CMIP: variants seen among roughly 807,000 people sequenced by gnomAD.
CMIP encodes the protein C-Maf-inducing protein.
CMIP carries 13 observed loss-of-function variants against 97.3 expected under a neutral mutation model. That is an observed-to-expected ratio of 0.13 (90% CI 0.09 to 0.21). CMIP has a LOEUF of 0.21. Ranked by LOEUF, CMIP falls within the 10% of genes least tolerant of loss-of-function variation. The pLI, the probability that CMIP is intolerant of heterozygous loss-of-function variation, is 1.00. For synonymous variants in CMIP, 538 were observed against 436.3 expected, an observed-to-expected ratio of 1.23 and a Z score of -2.91; for missense variants, 847 against 1,024.9, an observed-to-expected ratio of 0.83 and a Z score of 2.37.
At chr16:81,526,788 A>C (rs1004775298) in intron 1 of CMIP, among the ~76,000 whole-genome samples, 1 of 152,216 alleles carries the variant, frequency 6.6e-6, no homozygotes, top group African/African-American at 2.4e-5. Flanking sequence ...AGCCCGCCAG[A>C]GGAGCAGGTT....
chr16:81,607,782 A>T (rs189046760), intron 2 of CMIP, 90 bp downstream of exon 2: 1 of 1,384,076 alleles, frequency 7.2e-7, no homozygotes, highest in Non-Finnish European at 1.0e-6. Context: ...GCCAGCAGCT[A>T]TCAAGAGGAA....
Position 81,616,714 on chromosome 16 carries a change from C to T in CMIP, c.427-4162C>T, listed in dbSNP as rs893623738. Among the ~76,000 whole-genome samples the T allele has an allele frequency of 2.0e-5, 3 of 152,112 alleles. No individual in the cohort carries two copies. Among genetic ancestry groups the T allele is most frequent in the African/African-American group, 4.8e-5 (2 of 41,418 alleles). On this transcript the variant is annotated intron_variant, in intron 2 of 20. Coordinates refer to ENST00000537098, the MANE Select transcript of CMIP (RefSeq NM_198390.3). The surrounding 1 kb of genome is among the most constrained non-coding windows in gnomAD (Gnocchi z 4.7). The stretch of plus-strand genomic sequence containing the variant: ...AGTGTGGCTGGGGAAGGGGGTCACA[C>T]CCTCCTATGGGAGGAAAGGCTTGGA...
Position 81,703,584 on chromosome 16 carries a change from G to C in CMIP, c.1945-355G>C, listed in dbSNP as rs533002962. ...ACAAACGTGCACACAGACACACACA[G>C]ATATACACACATACAGGCACACACA... is the stretch of plus-strand genomic sequence containing the variant. On this transcript the variant is annotated intron_variant, in intron 17 of 20. Transcript: ENST00000537098. Among the ~76,000 whole-genome samples the C allele has an allele frequency of 4.0e-5, 6 of 150,054 alleles. No individual in the cohort carries two copies. The East Asian group carries it at 9.7e-4, about 24-fold the overall frequency.
chr16:81,691,930 A>G, intron 11 of CMIP, 90 bp downstream of exon 11: 1 of 1,156,966 alleles, frequency 8.6e-7, no homozygotes, highest in South Asian at 1.3e-5. Flanking sequence ...CAGTCATGTT[A>G]TGGGGAAGCG....
intron 1 of CMIP, among the ~76,000 whole-genome samples, chr16:81,473,572 G>A (rs147845093): frequency 4.0e-5 from 6 of 150,868 alleles, no homozygotes; most frequent in Non-Finnish European, 5.9e-5. Context: ...TCCTTTTGGT[G>A]TGGGAGTTGG....
Position 81,703,959 on chromosome 16 carries a change from G to T in CMIP, c.1965G>T (p.Leu655Phe). The T allele has an allele frequency of 1.3e-6, 2 of 1,595,546 alleles. No individual in the cohort carries two copies. Among genetic ancestry groups the T allele is most frequent in the Non-Finnish European group, 8.5e-7 (1 of 1,172,828 alleles). The change falls in exon 18 of 21, where the codon TTG becomes TTT. Residue 655 changes from leucine to phenylalanine, a missense_variant. Transcript: ENST00000537098. Reference protein sequence around the residue: ...SKSTDADLARLLSSGSFGNLE... With the variant: ...SKSTDADLARFLSSGSFGNLE... ...CGCAGGACGCTGACTTGGCTCGTTT[G>T]CTGAGCTCCGGCTCCTTCGGAAACC...
rs187100172 is a variant in CMIP at position 81,639,426 on chromosome 16, C to T, written c.478-12777C>T. Among the ~76,000 whole-genome samples, 11 of 152,338 alleles carry T rather than the reference C, an allele frequency of 7.2e-5. No homozygotes were observed. The East Asian group carries it at 2.1e-3, about 29-fold the overall frequency. ...GTCCCCATTACCCCCTCCCCCAGCC[C>T]CTGGCATCCACCATTCTGCTTTCGG... On this transcript the variant is annotated intron_variant, in intron 3 of 20. Coordinates refer to ENST00000537098, the MANE Select transcript of CMIP (RefSeq NM_198390.3).
At chr16:81,663,370 G>A (rs770409281) in intron 6 of CMIP, among the ~76,000 whole-genome samples, 5 of 152,060 alleles carry the variant, frequency 3.3e-5, no homozygotes, top group Non-Finnish European at 5.9e-5. Context: ...TAAGTGAGAG[G>A]AGCCCATCTG....
intron 3 of CMIP, among the ~76,000 whole-genome samples, chr16:81,633,481 A>G (rs2092192751): frequency 6.6e-6 from 1 of 152,210 alleles, no homozygotes; most frequent in Non-Finnish European, 1.5e-5. Context: ...ATCATCAGAA[A>G]ATACCCAGCG....
rs1908623811 is a variant in CMIP at position 81,710,350 on chromosome 16, G to C, written c.*551G>C. 1 of 157,906 alleles carries C rather than the reference G, an allele frequency of 6.3e-6. No homozygotes were observed. Among genetic ancestry groups the C allele is most frequent in the Admixed American group, 5.9e-5 (1 of 16,808 alleles). 9.8% of individuals were successfully genotyped at this position (157,906 alleles called of 1,614,324 possible). A position where few individuals can be genotyped will look rare whatever the true frequency, so the allele number is the denominator to read the frequency against. On this transcript the variant is annotated 3_prime_UTR_variant, in exon 21 of 21. Transcript: ENST00000537098. ...AGATTTAAATAATGCACCTATTTAA[G>C]ACATGTTGACAAATTGCGGGTCTGG...
chr16:81,447,275 G>A (rs1283130245), intron 1 of CMIP, among the ~76,000 whole-genome samples: 1 of 151,308 alleles, frequency 6.6e-6, no homozygotes, highest in Admixed American at 6.6e-5. Flanking sequence ...ACAAAATGAA[G>A]GGTTGTTGGT....
intron 1 of CMIP, among the ~76,000 whole-genome samples, chr16:81,479,776 AAC>A (rs1348730901): frequency 1.3e-5 from 2 of 152,188 alleles, no homozygotes; most frequent in Admixed American, 6.5e-5. Flanking sequence ...TGTACCCGTT[AAC>A]AGTCACTCCT....
chr16:81,682,735 G>T (rs1470024982), intron 10 of CMIP, among the ~76,000 whole-genome samples: 1 of 152,238 alleles, frequency 6.6e-6, no homozygotes, highest in East Asian at 1.9e-4. Flanking sequence ...CAGGGAGCAG[G>T]GGTAGTGGGG....
At chr16:81,638,654 G>A (rs2092266431) in intron 3 of CMIP, among the ~76,000 whole-genome samples, 1 of 151,608 alleles carries the variant, frequency 6.6e-6, no homozygotes, top group African/African-American at 2.4e-5. Flanking sequence ...GCCTGCACCT[G>A]AGAATGTTTT....
intron 7 of CMIP, among the ~76,000 whole-genome samples, chr16:81,667,832 G>A (rs1567647180): frequency 6.6e-6 from 1 of 151,182 alleles, no homozygotes; most frequent in African/African-American, 2.4e-5. Flanking sequence ...GTGTGTGTGT[G>A]TGTGTGTGTT....
intron 7 of CMIP, chr16:81,666,977 G>GC (rs926693295): frequency 6.6e-6 from 1 of 151,660 alleles, no homozygotes; most frequent in East Asian, 1.9e-4. Flanking sequence ...TGTGGGGGGG[G>GC]GGTCATGTCT....
In CMIP at chr16:81,522,189, G is replaced by A. The variant is rs117912783; in HGVS notation, c.300+76648G>A. Among the ~76,000 whole-genome samples the A allele has an allele frequency of 1.2e-4, 18 of 152,322 alleles. No homozygotes were observed. In the East Asian group the frequency reaches 1.7e-3, roughly 15 times the overall value. On this transcript the variant is annotated intron_variant, in intron 1 of 20. Coordinates refer to ENST00000537098, the MANE Select transcript of CMIP (RefSeq NM_198390.3). ...AGTGTGGCAACACCGATTCGCCCAC[G>A]ATGATCAGGAGCTCCCATTGGCGAT...
chr16:81,644,438 A>G (rs1000051370), intron 3 of CMIP, among the ~76,000 whole-genome samples: 9 of 152,126 alleles, frequency 5.9e-5, no homozygotes, highest in African/African-American at 2.2e-4. Flanking sequence ...AGAGGTTATG[A>G]GCGGGTTTTA....
intron 1 of CMIP, among the ~76,000 whole-genome samples, chr16:81,512,510 T>C (rs2089833349): frequency 6.6e-6 from 1 of 152,238 alleles, no homozygotes; most frequent in Non-Finnish European, 1.5e-5. Context: ...GAAGAAGGGC[T>C]TCACTTCATC....
Sources: allele counts gnomAD v4.1 joint callset (sites outside exome capture counted in the v4.1 genomes callset), GRCh38; gene constraint gnomAD v4.1.1; non-coding constraint Gnocchi (gnomAD v3.1); transcripts MANE v1.5; gene names NCBI Gene and HGNC (gene_info 2026-07-23, HGNC 2026-07-21).